The following ATF7IP2 variants were observed in gnomAD, a reference collection of about 807,000 sequenced individuals.
ATF7IP2 encodes activating transcription factor 7 interacting protein 2, also known as activating transcription factor 7-interacting protein 2.
Under a neutral mutation model 64.2 loss-of-function variants are expected in ATF7IP2, and 42 were observed. That is an observed-to-expected ratio of 0.65 (90% CI 0.51 to 0.85). The LOEUF (loss-of-function observed/expected upper bound fraction) is 0.85. Ranked by LOEUF, ATF7IP2 falls within the 40% of genes least tolerant of loss-of-function variation. The probability of loss-of-function intolerance (pLI) is 0.00; values close to 1 mark genes in which losing one functional copy is unlikely to be tolerated. For synonymous variants in ATF7IP2, 308 were observed against 272.8 expected, an observed-to-expected ratio of 1.13 and a Z score of -1.27; for missense variants, 933 against 784.2, an observed-to-expected ratio of 1.19 and a Z score of -2.27.
At chr16:10,427,153 C>T (rs1202532799) in intron 3 of ATF7IP2, among the ~76,000 whole-genome samples, 1 of 151,908 alleles carries the variant, frequency 6.6e-6, no homozygotes, top group African/African-American at 2.4e-5. Context: ...TGCACCTGGC[C>T]GGAATATGGT....
chr16:10,475,240 TGCTGTTACAAG>T (rs1241312922), intron 12 of ATF7IP2, among the ~76,000 whole-genome samples: 1 of 152,196 alleles, frequency 6.6e-6, no homozygotes, highest in Non-Finnish European at 1.5e-5. Flanking sequence ...ATTGGAAGTA[TGCTGTTACAAG>T]GCTCTTAAAT....
At chr16:10,436,685 G>A (rs2048431176) in intron 6 of ATF7IP2, among the ~76,000 whole-genome samples, 1 of 152,024 alleles carries the variant, frequency 6.6e-6, no homozygotes, top group Admixed American at 6.6e-5. Flanking sequence ...CAAGATACTG[G>A]AGGAAAAAAT....
intron 1 of ATF7IP2, among the ~76,000 whole-genome samples, chr16:10,401,654 C>CTT (rs766698062): frequency 6.6e-6 from 1 of 150,520 alleles, no homozygotes; most frequent in Non-Finnish European, 1.5e-5. Flanking sequence ...TTTTTTCCCT[C>CTT]TTTTTTTTGA....
chr16:10,438,516 G>C (rs930872186), intron 7 of ATF7IP2, among the ~76,000 whole-genome samples: 4 of 151,346 alleles, frequency 2.6e-5, no homozygotes, highest in Non-Finnish European at 5.9e-5. Flanking sequence ...GCCTCCCAAA[G>C]TGCTGGGACT....
intron 3 of ATF7IP2, among the ~76,000 whole-genome samples, chr16:10,420,601 C>G (rs952657790): frequency 1.1e-4 from 16 of 152,200 alleles, no homozygotes; most frequent in Admixed American, 3.9e-4. Flanking sequence ...CCCTGCAGTC[C>G]AAGGTCCTGG....
chr16:10,388,590 G>A (rs1486835564), intron 1 of ATF7IP2, among the ~76,000 whole-genome samples: 2 of 152,176 alleles, frequency 1.3e-5, no homozygotes, highest in Non-Finnish European at 2.9e-5. Flanking sequence ...ACTTTGGGAG[G>A]CTTTTCAGTA....
At chr16:10,445,756 C>T (rs2048781800) in intron 8 of ATF7IP2, 2 of 152,290 alleles carry the variant, frequency 1.3e-5, no homozygotes, top group Admixed American at 6.5e-5. Context: ...ATCTGCCCAC[C>T]TCGGCCTCCC....
intron 1 of ATF7IP2, among the ~76,000 whole-genome samples, chr16:10,411,336 G>A (rs1349413853): frequency 7.1e-6 from 1 of 141,476 alleles, no homozygotes; most frequent in East Asian, 2.1e-4. Flanking sequence ...AGTCTGTCTG[G>A]TACTGGGCCT....
At chr16:10,475,457 C>T (rs557494788) in intron 12 of ATF7IP2, among the ~76,000 whole-genome samples, 198 of 151,950 alleles carry the variant, frequency 1.3e-3, no homozygotes, top group African/African-American at 4.5e-3. Context: ...TTTGGGAGGC[C>T]GAGACGGGCA....
rs1358007475 is a variant in ATF7IP2 at position 10,433,590 on chromosome 16, G to C, written c.901G>C (p.Glu301Gln). 2 of 1,613,574 alleles carry C rather than the reference G, an allele frequency of 1.2e-6. No homozygotes were observed. The highest frequency in any genetic ancestry group is 1.7e-6 in the Non-Finnish European group (2 of 1,179,536). The change falls in exon 6 of 14, where the codon GAG becomes CAG. Residue 301 changes from glutamate to glutamine, a missense_variant. Physicochemically the swap from Glu to Gln is conservative, Grantham distance 29. Coordinates refer to ENST00000562102, the MANE Select transcript of ATF7IP2 (RefSeq NM_001393719.1). ...AAATGTTAAACGCATGAAAACTTCAGAGCAAATTAATGAAAATATTTGTGT... is the reference window on the plus strand; with the variant it reads ...AAATGTTAAACGCATGAAAACTTCACAGCAAATTAATGAAAATATTTGTGT... ...EENVKRMKTSEQINENICVSL... is the reference protein window; with the variant it reads ...EENVKRMKTSQQINENICVSL...
intron 3 of ATF7IP2, among the ~76,000 whole-genome samples, chr16:10,422,614 A>G (rs1276496675): frequency 1.3e-5 from 2 of 152,220 alleles, no homozygotes; most frequent in Non-Finnish European, 2.9e-5. Context: ...TGAATTGGCC[A>G]TGAGGACAGC....
At chr16:10,414,874 A>G (rs1025123528) in intron 2 of ATF7IP2, among the ~76,000 whole-genome samples, 2 of 152,142 alleles carry the variant, frequency 1.3e-5, no homozygotes, top group African/African-American at 2.4e-5. Context: ...GCTGAGCTGT[A>G]GTGATTGTTA....
intron 9 of ATF7IP2, among the ~76,000 whole-genome samples, chr16:10,465,495 C>T (rs2049534746): frequency 6.6e-6 from 1 of 151,668 alleles, no homozygotes; most frequent in South Asian, 2.1e-4. Context: ...GCCTGTAATC[C>T]CAGCACTTTG....
rs188508105 is a variant in ATF7IP2, at chr16:10,444,235, T to G, written c.1194+3773T>G. Reference sequence around the variant, plus strand: ...GAAAGAGGGAGCAAATTAGACAGGTTAAGTTTTTTTGAATATTAGTTTGGA... The same window carrying G: ...GAAAGAGGGAGCAAATTAGACAGGTGAAGTTTTTTTGAATATTAGTTTGGA... On this transcript the variant is annotated intron_variant, in intron 8 of 13. Coordinates refer to ENST00000562102, the MANE Select transcript of ATF7IP2 (RefSeq NM_001393719.1). Among the ~76,000 whole-genome samples the G allele has an allele frequency of 1.0e-3, 153 of 152,296 alleles. 1 individual carries two copies. Among genetic ancestry groups the G allele is most frequent in the Non-Finnish European group, 1.8e-3 (123 of 68,020 alleles).
chr16:10,454,170 G>C (rs1225164186), intron 8 of ATF7IP2: 1 of 151,738 alleles, frequency 6.6e-6, no homozygotes, highest in African/African-American at 2.4e-5. Context: ...CAGCACTTTG[G>C]GAGGCTGAGG....
chr16:10,447,519 G>C (rs1259719646), intron 8 of ATF7IP2: 2 of 152,104 alleles, frequency 1.3e-5, no homozygotes, highest in African/African-American at 4.8e-5. Context: ...TCTGCAGAAG[G>C]GTGCTGCCTG....
chr16:10,421,153 C>A (rs1044662425), intron 3 of ATF7IP2, among the ~76,000 whole-genome samples: 1 of 152,068 alleles, frequency 6.6e-6, no homozygotes, highest in African/African-American at 2.4e-5. Context: ...AATCTGAGTT[C>A]TCTGATTTCC....
chr16:10,466,353 G>A (rs933602932), intron 9 of ATF7IP2, among the ~76,000 whole-genome samples: 5 of 152,128 alleles, frequency 3.3e-5, no homozygotes, highest in African/African-American at 1.2e-4. Context: ...CATGTCTTTT[G>A]GTGAATGTAC....
chr16:10,406,336 G>A (rs781015015), intron 1 of ATF7IP2, among the ~76,000 whole-genome samples: 2 of 152,062 alleles, frequency 1.3e-5, no homozygotes, highest in African/African-American at 2.4e-5. Flanking sequence ...GATCTCCTGG[G>A]CTCAAGCTGT....
Sources: allele counts gnomAD v4.1 joint callset (sites outside exome capture counted in the v4.1 genomes callset), GRCh38; gene constraint gnomAD v4.1.1; transcripts MANE v1.5; gene names NCBI Gene and HGNC (gene_info 2026-07-23, HGNC 2026-07-21).